The following VEZT variants were observed in gnomAD, a reference collection of about 807,000 sequenced individuals.
The protein encoded by VEZT is vezatin.
Under a neutral mutation model 79.9 loss-of-function variants are expected in VEZT, and 39 were observed. The ratio of observed to expected loss-of-function variants is 0.49; its 90% CI spans 0.38 to 0.64. The LOEUF is 0.64. VEZT is among the 30% of genes least tolerant of loss of function. The pLI is 0.00. For synonymous variants in VEZT, 325 were observed against 327.6 expected, an observed-to-expected ratio of 0.99 and a Z score of 0.09; for missense variants, 837 against 893.1, an observed-to-expected ratio of 0.94 and a Z score of 0.80.
intron 6 of VEZT, among the ~76,000 whole-genome samples, chr12:95,271,927 C>T (rs190558685): frequency 6.6e-6 from 1 of 152,176 alleles, no homozygotes; most frequent in Admixed American, 6.5e-5. Context: ...TGCCAGTAAC[C>T]CCAGCACTTT....
chr12:95,260,528 A>G (rs2064260378), intron 3 of VEZT, among the ~76,000 whole-genome samples: 1 of 152,208 alleles, frequency 6.6e-6, no homozygotes, highest in African/African-American at 2.4e-5. Context: ...ATGGTGTTAA[A>G]GAAAGTGAGT....
intron 1 of VEZT, among the ~76,000 whole-genome samples, chr12:95,228,634 A>G (rs1201632815): frequency 6.6e-6 from 1 of 152,170 alleles, no homozygotes; most frequent in Non-Finnish European, 1.5e-5. Flanking sequence ...TCATGCTATC[A>G]CTATCTATAA....
chr12:95,239,513 T>C (rs1014018765), intron 1 of VEZT, among the ~76,000 whole-genome samples: 4 of 152,234 alleles, frequency 2.6e-5, no homozygotes, highest in Admixed American at 6.5e-5. Flanking sequence ...AATCAGAATT[T>C]GGCCACTAGT....
intron 8 of VEZT, among the ~76,000 whole-genome samples, chr12:95,284,573 G>A (rs1336214648): frequency 6.6e-6 from 1 of 152,188 alleles, no homozygotes; most frequent in African/African-American, 2.4e-5. Flanking sequence ...CTATAGAAGG[G>A]TTTGTCATAA....
intron 10 of VEZT, among the ~76,000 whole-genome samples, chr12:95,294,863 G>A (rs1292631699): frequency 6.6e-6 from 1 of 151,954 alleles, no homozygotes; most frequent in Admixed American, 6.6e-5. Context: ...TTACTATTCA[G>A]TATTCTTAAT....
intron 8 of VEZT, chr12:95,286,584 C>A: frequency 2.1e-6 from 1 of 465,876 alleles, no homozygotes; most frequent in South Asian, 1.8e-5. Context: ...CTTTTTGTAC[C>A]ATCTTTTTCT....
intron 11 of VEZT, chr12:95,296,670 C>A: frequency 6.5e-6 from 1 of 154,174 alleles, no homozygotes; most frequent in South Asian, 2.0e-4. Flanking sequence ...CCAGGCGCAG[C>A]GGCACATGCT....
intron 1 of VEZT, chr12:95,231,303 G>A (rs2059245660): frequency 6.6e-6 from 1 of 152,148 alleles, no homozygotes; most frequent in Non-Finnish European, 1.5e-5. Context: ...TGTAGTTGCT[G>A]AGTAATAACA....
chr12:95,256,696 A>G, intron 2 of VEZT: 1 of 827,518 alleles, frequency 1.2e-6, no homozygotes, highest in Non-Finnish European at 1.7e-6. Context: ...AAAATGGTCA[A>G]AGTATCTTTT....
intron 8 of VEZT, among the ~76,000 whole-genome samples, 177 bp from the exon 9 acceptor site, chr12:95,287,487 A>G (rs1594092162): frequency 6.6e-6 from 1 of 151,996 alleles, no homozygotes; most frequent in Admixed American, 6.6e-5. Context: ...ATTTTTGGTG[A>G]AAAAGGGGTT....
intron 1 of VEZT, among the ~76,000 whole-genome samples, chr12:95,222,359 G>A (rs879074586): frequency 4.0e-5 from 6 of 151,852 alleles, no homozygotes; most frequent in Admixed American, 1.3e-4. Flanking sequence ...TTTTTTCCCC[G>A]TATGGATGTC....
At chr12:95,220,380 G>A (rs1400090737) in intron 1 of VEZT, among the ~76,000 whole-genome samples, 2 of 152,130 alleles carry the variant, frequency 1.3e-5, no homozygotes, top group African/African-American at 4.8e-5. Flanking sequence ...ACTTGAGCCT[G>A]GGTAGGTCAA....
intron 9 of VEZT, chr12:95,293,725 G>C (rs750417657): frequency 6.4e-6 from 1 of 155,498 alleles, no homozygotes; most frequent in Non-Finnish European, 1.4e-5. Flanking sequence ...CTGTGAAGAG[G>C]TGAAGAGAGA....
chr12:95,261,217 A>G (rs2064418135), intron 3 of VEZT, among the ~76,000 whole-genome samples: 1 of 152,146 alleles, frequency 6.6e-6, no homozygotes, highest in Admixed American at 6.5e-5. Flanking sequence ...AGTCCTCATT[A>G]TGATCAGCGA....
chr12:95,249,324 C>T (rs1023634783), intron 1 of VEZT, among the ~76,000 whole-genome samples: 3 of 152,066 alleles, frequency 2.0e-5, no homozygotes, highest in African/African-American at 7.2e-5. Context: ...TATGTAAGGT[C>T]GGCCCAAACA....
chr12:95,287,396 T>C lies in VEZT; in HGVS notation c.1329-268T>C, dbSNP rs904253102. On this transcript the variant is annotated intron_variant, in intron 8 of 11. Transcript: ENST00000436874. ...GTGCAGTGGCGCTATTGTGGCTCAC[T>C]GCAACCTCTACCTCCCAGGCTCAAG... 2.6e-5 allele frequency among the ~76,000 whole-genome samples: 4 copies of C among 152,182 alleles called. No homozygotes were observed. In the East Asian group the frequency reaches 7.7e-4, roughly 29 times the overall value.
intron 1 of VEZT, among the ~76,000 whole-genome samples, chr12:95,222,199 C>T (rs922029983): frequency 6.6e-6 from 1 of 152,130 alleles, no homozygotes; most frequent in South Asian, 2.1e-4. Flanking sequence ...AAACCTTATT[C>T]TTTTGTGATT....
At chr12:95,294,460 T>A (rs894235096) in intron 10 of VEZT, 88 bp downstream of exon 10, 1 of 1,117,300 alleles carries the variant, frequency 9.0e-7, no homozygotes, top group Non-Finnish European at 1.3e-6. Flanking sequence ...TGAATTTATA[T>A]CAGATCATTA....
intron 8 of VEZT, chr12:95,286,725 G>GTCTA: frequency 2.4e-6 from 1 of 410,168 alleles, no homozygotes; most frequent in Non-Finnish European, 4.9e-6. Flanking sequence ...TTCCCTGCGT[G>GTCTA]TCTATCTAGT....
Sources: allele counts gnomAD v4.1 joint callset (sites outside exome capture counted in the v4.1 genomes callset), GRCh38; gene constraint gnomAD v4.1.1; transcripts MANE v1.5; gene names NCBI Gene and HGNC (gene_info 2026-07-23, HGNC 2026-07-21).